Variants in NELL2 observed in about 807,000 individuals in gnomAD.
NELL2 encodes neural EGFL like 2, also known as protein kinase C-binding protein NELL2.
In NELL2, 41 loss-of-function variants were observed where a neutral mutation model predicts 109.6. The ratio of observed to expected loss-of-function variants is 0.37; its 90% CI spans 0.29 to 0.49. NELL2 has a LOEUF of 0.49. Ranked by LOEUF, NELL2 falls within the 20% of genes least tolerant of loss-of-function variation. The pLI is 0.98. For missense variants in NELL2, 900 were observed against 1,008.3 expected (o/e 0.89, Z 1.45); for synonymous variants, 355 against 344.7 (o/e 1.03, Z -0.33).
intron 10 of NELL2, among the ~76,000 whole-genome samples, chr12:44,713,177 TACACACACACACAC>T (rs35017907): frequency 5.6e-5 from 8 of 141,910 alleles, no homozygotes; most frequent in African/African-American, 7.9e-5. Flanking sequence ...ATGAATAGGA[TACACACACACACAC>T]ACACACACAC....
At chr12:44,615,667 A>C (rs1252332480) in intron 13 of NELL2, among the ~76,000 whole-genome samples, 1 of 151,976 alleles carries the variant, frequency 6.6e-6, no homozygotes, top group Non-Finnish European at 1.5e-5. Flanking sequence ...GAAGTTTTTT[A>C]TGTTTACACA....
At chr12:44,868,800 G>A (rs1945081908) in intron 2 of NELL2, among the ~76,000 whole-genome samples, 1 of 152,066 alleles carries the variant, frequency 6.6e-6, no homozygotes, top group Admixed American at 6.5e-5. Flanking sequence ...GGCACAATAT[G>A]TTCAAGAGAT....
intron 15 of NELL2, among the ~76,000 whole-genome samples, chr12:44,540,508 A>T (rs1276927190): frequency 6.6e-6 from 1 of 152,244 alleles, no homozygotes; most frequent in Admixed American, 6.5e-5. Flanking sequence ...TGGAGCTGGA[A>T]GTAGCTGAGT....
chr12:44,804,517 C>T (rs970543695), intron 3 of NELL2, among the ~76,000 whole-genome samples: 1 of 151,732 alleles, frequency 6.6e-6, no homozygotes, highest in African/African-American at 2.4e-5. Context: ...GACACTTAAT[C>T]GTAACTAAAG....
chr12:44,563,929 G>A (rs1412522618), intron 15 of NELL2, among the ~76,000 whole-genome samples: 1 of 152,086 alleles, frequency 6.6e-6, no homozygotes, highest in Admixed American at 6.6e-5. Context: ...ATGGTTATCA[G>A]AAATCTTATT....
chr12:44,618,960 G>A (rs902354688), intron 13 of NELL2, among the ~76,000 whole-genome samples: 2 of 152,174 alleles, frequency 1.3e-5, no homozygotes, highest in South Asian at 4.1e-4. Flanking sequence ...GAGCAATAAG[G>A]TGCTTTGTCC....
chr12:44,633,815 T>C (rs2136288896), intron 13 of NELL2, among the ~76,000 whole-genome samples: 1 of 152,138 alleles, frequency 6.6e-6, no homozygotes, highest in East Asian at 1.9e-4. Flanking sequence ...CAACATATTT[T>C]GGAAAATGTG....
At chr12:44,782,917 C>T (rs138059207) in intron 3 of NELL2, among the ~76,000 whole-genome samples, 197 of 152,006 alleles carry the variant, frequency 1.3e-3, no homozygotes, top group African/African-American at 4.6e-3. Flanking sequence ...TAGAACATAC[C>T]ACTCAACAAC....
chr12:44,878,143 G>A (rs1008999253), upstream of NELL2, among the ~76,000 whole-genome samples: 5 of 152,200 alleles, frequency 3.3e-5, no homozygotes, highest in African/African-American at 4.8e-5. Flanking sequence ...ATGAAAGTAG[G>A]GATACTCTCG....
At chr12:44,861,499 A>C (rs1944842778) in intron 2 of NELL2, among the ~76,000 whole-genome samples, 1 of 152,142 alleles carries the variant, frequency 6.6e-6, no homozygotes, top group Non-Finnish European at 1.5e-5. Flanking sequence ...ATTGGCCCCC[A>C]TAGACCCAGG....
intron 13 of NELL2, among the ~76,000 whole-genome samples, chr12:44,630,993 T>A (rs1252703768): frequency 6.6e-6 from 1 of 151,922 alleles, no homozygotes; most frequent in Non-Finnish European, 1.5e-5. Context: ...AAATTCTATC[T>A]CTCCTGAAAT....
chr12:44,539,774 T>C (rs887977766), intron 15 of NELL2, among the ~76,000 whole-genome samples: 4 of 152,190 alleles, frequency 2.6e-5, no homozygotes, highest in Admixed American at 6.6e-5. Context: ...TGGCCATAAA[T>C]TGTTATATTT....
At chr12:44,790,502 A>G (rs934562934) in intron 3 of NELL2, among the ~76,000 whole-genome samples, 1 of 152,156 alleles carries the variant, frequency 6.6e-6, no homozygotes, top group Non-Finnish European at 1.5e-5. Context: ...CAAATACTGG[A>G]AACACATCAA....
intron 12 of NELL2, among the ~76,000 whole-genome samples, chr12:44,673,610 C>G (rs904922298): frequency 1.3e-5 from 2 of 152,226 alleles, no homozygotes; most frequent in Admixed American, 6.5e-5. Context: ...GAGTGCCCCA[C>G]TGGGCCACAT....
intron 13 of NELL2, among the ~76,000 whole-genome samples, chr12:44,638,954 T>C (rs1164718708): frequency 1.3e-5 from 2 of 152,222 alleles, no homozygotes; most frequent in Admixed American, 1.3e-4. Flanking sequence ...ATTTTAATAG[T>C]ATATTTTATT....
intron 2 of NELL2, among the ~76,000 whole-genome samples, chr12:44,847,452 G>A (rs1944403886): frequency 6.6e-6 from 1 of 151,654 alleles, no homozygotes; most frequent in African/African-American, 2.4e-5. Flanking sequence ...TTTCTTATGT[G>A]TAACAGGGAT....
intron 12 of NELL2, among the ~76,000 whole-genome samples, chr12:44,696,220 A>G (rs924985551): frequency 1.3e-5 from 2 of 152,230 alleles, no homozygotes; most frequent in African/African-American, 4.8e-5. Flanking sequence ...TACTTGAACT[A>G]GATGTCTAAG....
rs757497843 is a variant in NELL2, at chr12:44,522,027, G to A, written c.2148C>T (p.Val716=). Residue 716 remains valine, a synonymous_variant, in exon 18 of 20, where the codon GTC becomes GTT. Coordinates refer to ENST00000429094, the MANE Select transcript of NELL2 (RefSeq NM_001145108.2). ...ETLYNSGDTW[V]QNCQQCRCLQ... ...AGCAGCGGCACTGTTGACAATTCTG[G>A]ACCCAGGTGTCACCACTGTTATACA... 4.3e-6 allele frequency: 7 copies of A among 1,613,658 alleles called. No individual in the cohort carries two copies. Among genetic ancestry groups the A allele is most frequent in the Middle Eastern group, 1.6e-4 (1 of 6,084 alleles).
At chr12:44,842,425 A>G (rs1258793476) in intron 2 of NELL2, among the ~76,000 whole-genome samples, 2 of 152,216 alleles carry the variant, frequency 1.3e-5, no homozygotes, top group East Asian at 3.8e-4. Flanking sequence ...ATCTCATACC[A>G]CAAAAACAAA....
Sources: allele counts gnomAD v4.1 joint callset (sites outside exome capture counted in the v4.1 genomes callset), GRCh38; gene constraint gnomAD v4.1.1; transcripts MANE v1.5; gene names NCBI Gene and HGNC (gene_info 2026-07-23, HGNC 2026-07-21).